The following ACP6 variants were observed in gnomAD, a reference collection of about 807,000 sequenced individuals.
The protein encoded by ACP6 is acid phosphatase 6, lysophosphatidic, also known as lysophosphatidic acid phosphatase type 6.
ACP6 carries 48 observed loss-of-function variants against 48.1 expected under a neutral mutation model. The observed-to-expected ratio is 1.00, with a 90% CI of 0.79 to 1.27. The LOEUF (loss-of-function observed/expected upper bound fraction) is 1.27, where lower values mean the gene tolerates loss of function less well. Among genes scored for constraint, ACP6 ranks in the 50% most tolerant of loss-of-function variants. The probability of loss-of-function intolerance (pLI) is 0.00; values close to 1 mark genes in which losing one functional copy is unlikely to be tolerated. For synonymous variants in ACP6, 172 were observed against 204.2 expected (o/e 0.84, Z 1.34); for missense variants, 485 against 529.1 (o/e 0.92, Z 0.82).
At chr1:147,651,398 T>G (rs1209087103) in intron 7 of ACP6, 1 of 152,218 alleles carries the variant, frequency 6.6e-6, no homozygotes, top group East Asian at 1.9e-4. Flanking sequence ...CATGTCTATT[T>G]GTTTGCATAT....
downstream of ACP6, among the ~76,000 whole-genome samples, chr1:147,639,983 A>G (rs1659406676): frequency 6.6e-6 from 1 of 151,972 alleles, no homozygotes; most frequent in African/African-American, 2.4e-5. Context: ...TTCTCTAAAA[A>G]TCTCTGTACA....
intron 1 of ACP6, among the ~76,000 whole-genome samples, chr1:147,668,408 C>A (rs587681939): frequency 1.6e-3 from 224 of 138,498 alleles, no homozygotes; most frequent in African/African-American, 6.3e-3. Context: ...TTTCCTAGTG[C>A]CTTCAGGATA....
At chr1:147,663,689 C>G (rs587605000) in intron 1 of ACP6, among the ~76,000 whole-genome samples, 1 of 152,088 alleles carries the variant, frequency 6.6e-6, no homozygotes, top group Non-Finnish European at 1.5e-5. Context: ...TTGTCCAGCC[C>G]CTGTACTCAG....
chr1:147,635,754 G>C (rs1257974629), intron 5 of ACP6, among the ~76,000 whole-genome samples: 1 of 152,204 alleles, frequency 6.6e-6, no homozygotes, highest in Non-Finnish European at 1.5e-5. Flanking sequence ...ATGGGAGTGA[G>C]AGAATAGAGA....
intron 5 of ACP6, among the ~76,000 whole-genome samples, chr1:147,631,722 G>A (rs1457119029): frequency 6.6e-6 from 1 of 152,244 alleles, no homozygotes; most frequent in African/African-American, 2.4e-5. Context: ...GCTAAGGCAG[G>A]AGAATCGCTT....
intron 8 of ACP6, among the ~76,000 whole-genome samples, chr1:147,649,361 C>T (rs1659790435): frequency 6.6e-6 from 1 of 152,100 alleles, no homozygotes; most frequent in Non-Finnish European, 1.5e-5. Context: ...TTAGCAAGTG[C>T]CTAGGACACA....
At chr1:147,637,307 C>G (rs782482488), downstream of ACP6, among the ~76,000 whole-genome samples, 5 of 152,292 alleles carry the variant, frequency 3.3e-5, no homozygotes, top group Non-Finnish European at 7.4e-5. Context: ...ATAAAAGAAC[C>G]CTCTAAGGTA....
At chr1:147,637,639 T>A (rs2101643164), downstream of ACP6, among the ~76,000 whole-genome samples, 1 of 152,278 alleles carries the variant, frequency 6.6e-6, no homozygotes, top group South Asian at 2.1e-4. Flanking sequence ...CATTTAGGAT[T>A]TTGAGGAACA....
At chr1:147,652,236 G>C in intron 7 of ACP6, 1 of 491,664 alleles carries the variant, frequency 2.0e-6, no homozygotes. Flanking sequence ...TCCTGGTTCT[G>C]CATAACAGGG....
At chr1:147,631,160 G>A (rs1201030673) in intron 5 of ACP6, 1 of 152,148 alleles carries the variant, frequency 6.6e-6, no homozygotes, top group Non-Finnish European at 1.5e-5. Context: ...AGGCCCAGGA[G>A]AGAAATTATC....
rs781796609 is a variant in ACP6 at position 147,648,413 on chromosome 1, TGCAAGA to T, written c.978-8_978-3del. The T allele has an allele frequency of 6.2e-7, 1 of 1,614,098 alleles. No homozygotes were observed. The highest frequency in any genetic ancestry group is 1.1e-5 in the South Asian group (1 of 91,084). The stretch of plus-strand genomic sequence containing the variant: ...TGAGCCGCATAGAGATACAGCTTTC[TGCAAGA>T]GGAAACAGCTCTCCACAATTCTCTG... On this transcript the variant is annotated splice_polypyrimidine_tract_variant and splice_region_variant and intron_variant, in intron 8 of 9. Transcript: ENST00000583509.
chr1:147,635,609 G>T lies in ACP6; in HGVS notation c.461-4544C>A, dbSNP rs947514658. On this transcript the variant is annotated intron_variant, in intron 5 of 5. Coordinates refer to the ACP6 transcript ENST00000609196. Reference sequence around the variant, plus strand: ...AGAAGTCCTTGTTGGGGTTGAGGGAGTGTTGAGTATGAAATGATGAAGTGG... The same window carrying T: ...AGAAGTCCTTGTTGGGGTTGAGGGATTGTTGAGTATGAAATGATGAAGTGG... Among the ~76,000 whole-genome samples the T allele has an allele frequency of 3.9e-5, 6 of 152,350 alleles. No homozygotes were observed. In the East Asian group the frequency reaches 9.6e-4, roughly 24 times the overall value.
chr1:147,661,225 C>G (rs1660529226), intron 1 of ACP6, among the ~76,000 whole-genome samples: 1 of 152,132 alleles, frequency 6.6e-6, no homozygotes, highest in African/African-American at 2.4e-5. Context: ...CGTCTGCCTC[C>G]TGGAGTGCAG....
rs587641218 is a variant in ACP6, at chr1:147,648,252, G to A, written c.1137C>T (p.His379=). The change falls in exon 9 of 10, where the codon CAC becomes CAT. Residue 379 remains histidine (H), a synonymous_variant. Coordinates refer to ENST00000583509, the MANE Select transcript of ACP6 (RefSeq NM_016361.5). The part of the protein sequence containing the change: ...SKEWFVQLYY[H]GKEQVPRGCP... ...CCCACCTCAGGGGTATTACCTTCCC[G>A]TGGTAATAGAGCTGCACAAACCACT... 107 of 1,614,126 alleles carry A rather than the reference G, an allele frequency of 6.6e-5. 1 individual carries two copies. Among genetic ancestry groups the A allele is most frequent in the East Asian group, 6.5e-4 (29 of 44,874 alleles).
At chr1:147,639,672 C>G (rs587682186), downstream of ACP6, among the ~76,000 whole-genome samples, 1 of 152,278 alleles carries the variant, frequency 6.6e-6, no homozygotes, top group South Asian at 2.1e-4. Flanking sequence ...GCCATGGTAC[C>G]CAGAGTTGAA....
intron 1 of ACP6, among the ~76,000 whole-genome samples, chr1:147,666,339 T>C (rs374034890): frequency 1.3e-5 from 2 of 152,292 alleles, no homozygotes; most frequent in Admixed American, 6.5e-5. Flanking sequence ...TGGGATTGTT[T>C]CTCCTAGTTC....
intron 9 of ACP6, chr1:147,648,036 GA>G (rs782186775): frequency 1.3e-4 from 79 of 597,104 alleles, no homozygotes; most frequent in Non-Finnish European, 2.2e-4. Flanking sequence ...ACAGAACTGG[GA>G]TAAGGCTCAA....
chr1:147,646,423 T>A lies in ACP6; in HGVS notation c.*1000A>T, dbSNP rs1659623671. 1 of 152,134 alleles carries A rather than the reference T, an allele frequency of 6.6e-6. No individual in the cohort carries two copies. The highest frequency in any genetic ancestry group is 1.5e-5 in the Non-Finnish European group (1 of 68,042). The allele number at this position is 152,134 out of a possible 1,614,324, so 9.4% of individuals were successfully genotyped here. A position where few individuals can be genotyped will look rare whatever the true frequency, so the allele number is the denominator to read the frequency against. ...AAACCTGAGCTTGAGATATCTCAGC[T>A]CCCTGATCTGGAAGTTGTCAATATT... On this transcript the variant is annotated 3_prime_UTR_variant, in exon 10 of 10. Transcript: ENST00000583509.
intron 1 of ACP6, 75 bp downstream of exon 1, chr1:147,669,755 T>A (rs888677670): frequency 1.4e-6 from 2 of 1,411,524 alleles, no homozygotes; most frequent in Non-Finnish European, 1.9e-6. Context: ...GCTCTGAAGA[T>A]GTGTGTCAGG....
Sources: gnomAD v4.1 joint callset for allele counts (sites outside exome capture counted in the v4.1 genomes callset) on GRCh38, gnomAD v4.1.1 for gene constraint, MANE v1.5 for transcripts, NCBI Gene and HGNC (gene_info 2026-07-23, HGNC 2026-07-21) for gene names.